The following PRR16 variants were observed in gnomAD, a reference collection of about 807,000 sequenced individuals.
PRR16 encodes proline rich 16.
A neutral mutation model predicts 18.2 loss-of-function variants in PRR16; 6 were observed. The observed-to-expected ratio is 0.33, with a 90% confidence interval of 0.18 to 0.65. PRR16 has a LOEUF of 0.65. Among genes scored for constraint, PRR16 ranks in the 30% least tolerant of loss-of-function variants. PRR16 has a pLI of 0.74. For synonymous variants in PRR16, 151 were observed against 147.8 expected, an observed-to-expected ratio of 1.02 and a Z score of -0.16; for missense variants, 412 against 376.6, an observed-to-expected ratio of 1.09 and a Z score of -0.78.
the PRR16 span, among the ~76,000 whole-genome samples, chr5:120,776,354 G>A: frequency 3.5e-3 from 530 of 152,068 alleles, 3 homozygotes; most frequent in African/African-American, 0.012. Context: ...AAGCACTTTG[G>A]GCAGTTCAGG....
At chr5:120,752,736 C>T in the PRR16 span, among the ~76,000 whole-genome samples, 127 of 151,736 alleles carry the variant, frequency 8.4e-4, no homozygotes, top group African/African-American at 2.9e-3. Flanking sequence ...TCTATTTCTT[C>T]GTAGGTTTAT....
At chr5:120,731,545 G>A in the PRR16 span, among the ~76,000 whole-genome samples, 1 of 152,128 alleles carries the variant, frequency 6.6e-6, no homozygotes, top group Admixed American at 6.5e-5. Flanking sequence ...TACAGATGAA[G>A]GCTTGTTTCC....
intron 1 of PRR16, among the ~76,000 whole-genome samples, chr5:120,539,712 G>T (rs929659975): frequency 6.6e-6 from 1 of 152,092 alleles, no homozygotes; most frequent in Non-Finnish European, 1.5e-5. Context: ...CAGTAAAAAA[G>T]GGTGTAGGAA....
chr5:120,670,917 C>A (rs2150146249), intron 1 of PRR16, among the ~76,000 whole-genome samples: 1 of 152,210 alleles, frequency 6.6e-6, no homozygotes, highest in South Asian at 2.1e-4. Flanking sequence ...TTATGACTTG[C>A]TTTATGACAC....
At chr5:120,772,318 T>C in the PRR16 span, among the ~76,000 whole-genome samples, 1 of 152,108 alleles carries the variant, frequency 6.6e-6, no homozygotes, top group African/African-American at 2.4e-5. Flanking sequence ...CCCTCCTGAA[T>C]TTTGACTTAG....
chr5:120,572,086 A>T (rs1369541103), intron 1 of PRR16, among the ~76,000 whole-genome samples: 4 of 152,152 alleles, frequency 2.6e-5, no homozygotes, highest in African/African-American at 9.7e-5. Flanking sequence ...GTGTCTTAAG[A>T]CCTAGATCTA....
intron 1 of PRR16, among the ~76,000 whole-genome samples, chr5:120,672,550 G>GTA (rs1218984538): frequency 6.6e-6 from 1 of 151,656 alleles, no homozygotes; most frequent in Non-Finnish European, 1.5e-5. Flanking sequence ...ATGTGTGTGT[G>GTA]TGTGTGTGTG....
chr5:120,564,703 C>G (rs980284642), intron 1 of PRR16, among the ~76,000 whole-genome samples: 1 of 152,104 alleles, frequency 6.6e-6, no homozygotes, highest in Non-Finnish European at 1.5e-5. Flanking sequence ...AAACCAGGTA[C>G]TGGCTGGGCA....
rs150788675 is a variant in PRR16, at chr5:120,504,997, T to C, written c.159+40352T>C. On this transcript the variant is annotated intron_variant, in intron 1 of 1. Transcript: ENST00000407149. The stretch of plus-strand genomic sequence containing the variant: ...ACTTTTATTGTAGCACCTCTCAGGT[T>C]CTTCAGGCTGTTATTTGTTCCTGGA... Among the ~76,000 whole-genome samples the C allele has an allele frequency of 8.8e-3, 1,347 of 152,290 alleles. 9 individuals carry two copies. Among genetic ancestry groups the C allele is most frequent in the Non-Finnish European group, 0.013 (881 of 68,008 alleles).
rs773840897 is a variant in PRR16, at chr5:120,686,492, T to TACACAGTGAACCTGTCCACCC, written c.701_721dup (p.His234_Pro240dup). 1 of 1,613,948 alleles carries TACACAGTGAACCTGTCCACCC rather than the reference T, an allele frequency of 6.2e-7. No homozygotes were observed. The highest frequency in any genetic ancestry group is 1.1e-5 in the South Asian group (1 of 91,066). Reference sequence around the variant, plus strand: ...AACATAAAAAACAGGGAGGTCCACTTACACAGTGAACCTGTCCACCCACCG... The same window carrying TACACAGTGAACCTGTCCACCC: ...AACATAAAAAACAGGGAGGTCCACTTACACAGTGAACCTGTCCACCCACACAGTGAACCTGTCCACCCACCG... On this transcript the variant is annotated inframe_insertion, in exon 2 of 2. Transcript: ENST00000407149.
chr5:120,557,333 A>G (rs557443327), intron 1 of PRR16, among the ~76,000 whole-genome samples: 1 of 152,054 alleles, frequency 6.6e-6, no homozygotes, highest in Non-Finnish European at 1.5e-5. Flanking sequence ...AGTTTTCCTC[A>G]GAGTTTGTAT....
At chr5:120,782,512 A>G in the PRR16 span, among the ~76,000 whole-genome samples, 1 of 152,056 alleles carries the variant, frequency 6.6e-6, no homozygotes. Context: ...ATTTCCCTGG[A>G]TAAGTTCCTG....
intron 1 of PRR16, among the ~76,000 whole-genome samples, chr5:120,533,278 A>G (rs1308537759): frequency 1.3e-5 from 2 of 152,188 alleles, no homozygotes; most frequent in Non-Finnish European, 2.9e-5. Flanking sequence ...GGTGTCTATT[A>G]TGTGCTAGGC....
chr5:120,680,173 A>G (rs1342283708), intron 1 of PRR16, among the ~76,000 whole-genome samples: 2 of 152,118 alleles, frequency 1.3e-5, no homozygotes, highest in Non-Finnish European at 2.9e-5. Flanking sequence ...ATATCCTTTT[A>G]AAAGAAACAA....
the PRR16 span, among the ~76,000 whole-genome samples, chr5:120,769,588 T>C: frequency 6.6e-6 from 1 of 151,892 alleles, no homozygotes; most frequent in Non-Finnish European, 1.5e-5. Context: ...GTATGTACCA[T>C]ATTTTCTTTA....
Position 120,537,211 on chromosome 5 carries a change from C to G in PRR16, c.159+72566C>G, listed in dbSNP as rs112622662. ...CCTAAAATAAAAGTTAAAATGTTAA[C>G]CATATAAAAATCCCAGAAGAACATT... On this transcript the variant is annotated intron_variant, in intron 1 of 1. Coordinates refer to ENST00000407149, the MANE Select transcript of PRR16 (RefSeq NM_001300783.2). Among the ~76,000 whole-genome samples the G allele has an allele frequency of 3.5e-3, 540 of 152,120 alleles. 2 individuals carry two copies. Among genetic ancestry groups the G allele is most frequent in the African/African-American group, 0.012 (517 of 41,506 alleles).
chr5:120,703,322 T>G, the PRR16 span, among the ~76,000 whole-genome samples: 1 of 152,212 alleles, frequency 6.6e-6, no homozygotes, highest in Non-Finnish European at 1.5e-5. Context: ...TCACTTCTTT[T>G]GTGATTCTCC....
chr5:120,655,404 TTTATGGTCCC>T (rs1165491397), intron 1 of PRR16, among the ~76,000 whole-genome samples: 1 of 151,238 alleles, frequency 6.6e-6, no homozygotes, highest in Non-Finnish European at 1.5e-5. Flanking sequence ...AAAAGAGGTT[TTTATGGTCCC>T]TAATAGTTTA....
chr5:120,717,581 G>A, the PRR16 span, among the ~76,000 whole-genome samples: 1 of 152,154 alleles, frequency 6.6e-6, no homozygotes, highest in Non-Finnish European at 1.5e-5. Context: ...AGTGCTGTCT[G>A]TCACATATGC....
Sources: allele counts gnomAD v4.1 joint callset (sites outside exome capture counted in the v4.1 genomes callset), GRCh38; gene constraint gnomAD v4.1.1; transcripts MANE v1.5; gene names NCBI Gene and HGNC (gene_info 2026-07-23, HGNC 2026-07-21).